The following GPC6 variants were observed in gnomAD, a reference collection of about 807,000 sequenced individuals.
GPC6 encodes the protein glypican 6.
A neutral mutation model predicts 55.2 loss-of-function variants in GPC6; 14 were observed. The ratio of observed to expected loss-of-function variants is 0.25; its 90% confidence interval spans 0.17 to 0.40. The LOEUF (loss-of-function observed/expected upper bound fraction) is 0.40. Ranked by LOEUF, GPC6 falls within the 10% of genes least tolerant of loss-of-function variation. The pLI, the probability that GPC6 is intolerant of heterozygous loss-of-function variation, is 1.00. For missense variants in GPC6, 641 were observed against 708.5 expected, an observed-to-expected ratio of 0.90 and a Z score of 1.08; for synonymous variants, 278 against 259.6, an observed-to-expected ratio of 1.07 and a Z score of -0.68.
intron 1 of GPC6, among the ~76,000 whole-genome samples, chr13:93,382,698 C>T (rs1176568379): frequency 2.6e-5 from 4 of 152,136 alleles, no homozygotes; most frequent in African/African-American, 9.7e-5. Flanking sequence ...GACATTATGC[C>T]ATTACTTTCA....
rs9589788 is a variant in GPC6 at position 93,597,000 on chromosome 13, A to T, written c.319+51579A>T. On this transcript the variant is annotated intron_variant, in intron 2 of 8. Transcript: ENST00000377047. ...CAAGAAGAACTTATATTTTAGTTCA[A>T]ATCTGGCAAAAAAAAAAAAAAAAAA... Among the ~76,000 whole-genome samples the T allele has an allele frequency of 9.5e-3, 1,320 of 138,972 alleles. 20 individuals carry two copies. Among genetic ancestry groups the T allele is most frequent in the African/African-American group, 0.039 (1,264 of 32,732 alleles). 91.2% of individuals were successfully genotyped at this position (138,972 alleles called of 152,430 possible). A position where few individuals can be genotyped will look rare whatever the true frequency, so the allele number is the denominator to read the frequency against.
chr13:93,613,349 G>T (rs1299663093), intron 2 of GPC6, among the ~76,000 whole-genome samples: 1 of 152,178 alleles, frequency 6.6e-6, no homozygotes, highest in African/African-American at 2.4e-5. Flanking sequence ...ACTAAAGGTG[G>T]TGGGGAGTCT....
intron 3 of GPC6, among the ~76,000 whole-genome samples, chr13:94,002,334 G>A (rs1881842612): frequency 6.6e-6 from 1 of 152,092 alleles, no homozygotes; most frequent in East Asian, 1.9e-4. Context: ...CCAGAATTGT[G>A]TTAACACAGT....
chr13:94,196,334 C>T (rs1357242944), intron 4 of GPC6, among the ~76,000 whole-genome samples: 2 of 151,970 alleles, frequency 1.3e-5, no homozygotes, highest in African/African-American at 2.4e-5. Flanking sequence ...AGCCATCCTC[C>T]TTTTGAAAAC....
intron 1 of GPC6, among the ~76,000 whole-genome samples, chr13:93,455,492 A>T (rs550707576): frequency 3.9e-5 from 6 of 151,974 alleles, no homozygotes; most frequent in Non-Finnish European, 7.4e-5. Context: ...CTGTCTCCCC[A>T]AGAGAAAAGT....
chr13:94,303,191 A>G (rs2139107661), intron 5 of GPC6, among the ~76,000 whole-genome samples: 1 of 152,344 alleles, frequency 6.6e-6, no homozygotes, highest in South Asian at 2.1e-4. Context: ...CTGCCATACA[A>G]TGGGAGGGGA....
intron 2 of GPC6, among the ~76,000 whole-genome samples, chr13:93,769,938 A>G (rs3924916): frequency 0.42 from 64,455 of 152,046 alleles, 13,879 homozygotes; most frequent in Middle Eastern, 0.53. Flanking sequence ...TTTGCCAAGT[A>G]GTTCAAAATT....
chr13:94,030,220 A>G (rs1459235928), intron 4 of GPC6, among the ~76,000 whole-genome samples: 3 of 152,056 alleles, frequency 2.0e-5, no homozygotes, highest in Non-Finnish European at 1.5e-5. Flanking sequence ...CGTGTTAGCC[A>G]GGATGGTCTC....
At chr13:93,565,934 CAAAA>C (rs35217779) in intron 2 of GPC6, among the ~76,000 whole-genome samples, 1 of 134,832 alleles carries the variant, frequency 7.4e-6, no homozygotes. Flanking sequence ...AACAAACAAA[CAAAA>C]AAAAAAAAGA....
intron 3 of GPC6, among the ~76,000 whole-genome samples, chr13:93,924,696 CTTT>C (rs10710851): frequency 8.6e-5 from 11 of 128,554 alleles, no homozygotes; most frequent in Non-Finnish European, 1.5e-4. Context: ...TCTTTCTTTT[CTTT>C]TTTTTTTTTT....
chr13:93,635,315 T>G (rs1002468), intron 2 of GPC6, among the ~76,000 whole-genome samples: 28,780 of 151,974 alleles, frequency 0.19, 3,128 homozygotes, highest in Middle Eastern at 0.29. Context: ...GTGGACACAT[T>G]ATACCCAGCA....
intron 3 of GPC6, among the ~76,000 whole-genome samples, chr13:94,010,810 T>C (rs1882213700): frequency 6.6e-6 from 1 of 152,164 alleles, no homozygotes; most frequent in South Asian, 2.1e-4. Context: ...GAATTCTTTT[T>C]AAATGCAGAA....
intron 1 of GPC6, among the ~76,000 whole-genome samples, chr13:93,341,540 T>C (rs148213813): frequency 6.6e-6 from 1 of 152,208 alleles, no homozygotes; most frequent in African/African-American, 2.4e-5. Flanking sequence ...GCTGTGTACA[T>C]CCTCTTTTGA....
chr13:93,806,878 T>G (rs1227352895), intron 2 of GPC6, among the ~76,000 whole-genome samples: 1 of 152,218 alleles, frequency 6.6e-6, no homozygotes, highest in Non-Finnish European at 1.5e-5. Flanking sequence ...CTGTCTGTAT[T>G]CTCAGTATAA....
rs1416802353 is a variant in GPC6, at chr13:93,493,680, A to T, written c.161-51583A>T. On this transcript the variant is annotated intron_variant, in intron 1 of 8. Transcript: ENST00000377047. ...CATTTAGTGCTATAAATTTCCCTCT[A>T]CACACTGCATTGAATGCGTCCCAGA... 2.2e-5 allele frequency among the ~76,000 whole-genome samples: 3 copies of T among 136,864 alleles called. No homozygotes were observed. The South Asian group carries it at 7.8e-4, about 36-fold the overall frequency. The allele number at this position is 136,864 out of a possible 152,430, so 89.8% of individuals were successfully genotyped here. A position where few individuals can be genotyped will look rare whatever the true frequency, so the allele number is the denominator to read the frequency against.
chr13:93,409,505 G>C (rs1876417110), intron 1 of GPC6, among the ~76,000 whole-genome samples: 1 of 152,136 alleles, frequency 6.6e-6, no homozygotes, highest in South Asian at 2.1e-4. Context: ...GGAAGGTGTT[G>C]CCTCAACTAG....
At chr13:93,560,719 T>A (rs912702755) in intron 2 of GPC6, among the ~76,000 whole-genome samples, 20 of 147,600 alleles carry the variant, frequency 1.4e-4, no homozygotes, top group Non-Finnish European at 2.8e-4. Flanking sequence ...TGAGCCGAGA[T>A]CATGACACTG....
intron 4 of GPC6, among the ~76,000 whole-genome samples, chr13:94,031,315 A>G (rs1217842815): frequency 6.6e-6 from 1 of 152,208 alleles, no homozygotes; most frequent in Admixed American, 6.5e-5. Flanking sequence ...CATTGAAAAA[A>G]TGCCGCTAGA....
chr13:94,336,139 G>C (rs1167065048), intron 6 of GPC6, among the ~76,000 whole-genome samples: 1 of 152,120 alleles, frequency 6.6e-6, no homozygotes, highest in African/African-American at 2.4e-5. Context: ...ACACACCCGA[G>C]CCGCAGGTGT....
Sources: gnomAD v4.1 joint callset for allele counts (sites outside exome capture counted in the v4.1 genomes callset) on GRCh38, gnomAD v4.1.1 for gene constraint, MANE v1.5 for transcripts, NCBI Gene and HGNC (gene_info 2026-07-23, HGNC 2026-07-21) for gene names.